Variants in STPG2 observed in about 807,000 individuals in gnomAD.
STPG2 encodes sperm tail PG-rich repeat containing 2.
STPG2 carries 56 observed loss-of-function variants against 54.2 expected under a neutral mutation model. The observed-to-expected ratio is 1.03, with a 90% CI of 0.83 to 1.29. The LOEUF is 1.29. Ranked by LOEUF, STPG2 falls within the 50% of genes most tolerant of loss-of-function variation. STPG2 has a pLI of 0.00. For missense variants in STPG2, 596 were observed against 544.9 expected, an observed-to-expected ratio of 1.09 and a Z score of -0.93; for synonymous variants, 200 against 181.8, an observed-to-expected ratio of 1.10 and a Z score of -0.81.
At chr4:98,083,410 G>A (rs185374453) in intron 5 of STPG2, among the ~76,000 whole-genome samples, 136 of 152,198 alleles carry the variant, frequency 8.9e-4, no homozygotes, top group African/African-American at 3.1e-3. Context: ...CTTTGGTGGA[G>A]CTTAACCCTT....
chr4:97,973,004 C>A (rs1192886374), intron 6 of STPG2, among the ~76,000 whole-genome samples: 1 of 152,088 alleles, frequency 6.6e-6, no homozygotes, highest in Non-Finnish European at 1.5e-5. Flanking sequence ...TAAATCGGTA[C>A]CAGTAAAGTT....
rs1336511164 is a variant in STPG2 at position 98,025,855 on chromosome 4, T to C, written c.613-44537A>G. The stretch of plus-strand genomic sequence containing the variant: ...GCCTTGCCAGAACTACCACTGGCAA[T>C]AAAGTTTTTGGCACCCTGAAGGGAG... On this transcript the variant is annotated intron_variant, in intron 5 of 10. Coordinates refer to ENST00000295268, the MANE Select transcript of STPG2 (RefSeq NM_174952.3). The C allele has an allele frequency of 2.5e-6, 4 of 1,597,950 alleles. No homozygotes were observed. The Admixed American group carries it at 5.0e-5, about 20-fold the overall frequency.
chr4:97,618,733 G>A (rs1047652719), intron 10 of STPG2, among the ~76,000 whole-genome samples: 2 of 152,090 alleles, frequency 1.3e-5, no homozygotes, highest in Non-Finnish European at 2.9e-5. Flanking sequence ...TTACTTGCTA[G>A]GTTCAATTTG....
At chr4:97,653,346 T>C (rs1722129667) in intron 10 of STPG2, among the ~76,000 whole-genome samples, 1 of 150,836 alleles carries the variant, frequency 6.6e-6, no homozygotes, top group Non-Finnish European at 1.5e-5. Context: ...TAATGTAACA[T>C]CTCAATGAAC....
intron 10 of STPG2, among the ~76,000 whole-genome samples, chr4:97,564,042 C>A (rs1330469578): frequency 1.3e-5 from 2 of 152,152 alleles, no homozygotes; most frequent in Admixed American, 6.5e-5. Flanking sequence ...GTGTTAAAGT[C>A]TCCCATTATT....
rs1472400614 is a variant in STPG2 at position 98,089,757 on chromosome 4, A to G, written c.612+16196T>C. On this transcript the variant is annotated intron_variant, in intron 5 of 10. Coordinates refer to ENST00000295268, the MANE Select transcript of STPG2 (RefSeq NM_174952.3). ...TAATTATGGTCATTCTTGCTAGAGT[A>G]AGGTGGTATCTCATTGTGATTTTAA... Among the ~76,000 whole-genome samples the G allele has an allele frequency of 3.9e-5, 6 of 151,936 alleles. No individual in the cohort carries two copies. In the East Asian group the frequency reaches 1.2e-3, roughly 29 times the overall value.
At chr4:98,053,794 C>A (rs1458408587) in intron 5 of STPG2, among the ~76,000 whole-genome samples, 1 of 151,964 alleles carries the variant, frequency 6.6e-6, no homozygotes, top group Non-Finnish European at 1.5e-5. Context: ...ATATATAAAT[C>A]CTGTGTATAT....
intron 9 of STPG2, among the ~76,000 whole-genome samples, chr4:97,721,393 A>G (rs1269929007): frequency 6.6e-6 from 1 of 152,140 alleles, no homozygotes; most frequent in African/African-American, 2.4e-5. Context: ...GAAGTTGGTT[A>G]TTCACTTACA....
chr4:97,571,242 G>T (rs898354671), intron 10 of STPG2, among the ~76,000 whole-genome samples: 19 of 152,012 alleles, frequency 1.2e-4, no homozygotes, highest in Non-Finnish European at 7.4e-5. Flanking sequence ...TTCAATAGAT[G>T]ATAGCCTTCG....
chr4:97,891,938 A>G (rs558914127), intron 8 of STPG2, among the ~76,000 whole-genome samples: 6 of 152,192 alleles, frequency 3.9e-5, no homozygotes, highest in African/African-American at 1.4e-4. Context: ...CCAATCCCCC[A>G]TTGCTGGCTA....
At chr4:97,633,882 G>A (rs1277951492) in intron 10 of STPG2, 1 of 154,920 alleles carries the variant, frequency 6.5e-6, no homozygotes, top group Non-Finnish European at 1.4e-5. Flanking sequence ...AGCAGTCTGA[G>A]ATCAAACTGC....
intron 3 of STPG2, among the ~76,000 whole-genome samples, chr4:98,111,433 T>C (rs1053657669): frequency 6.6e-6 from 1 of 152,136 alleles, no homozygotes; most frequent in Non-Finnish European, 1.5e-5. Flanking sequence ...CACTTTCCCC[T>C]GCCCCTAGTG....
intron 9 of STPG2, among the ~76,000 whole-genome samples, chr4:97,770,717 C>A (rs1161017637): frequency 2.0e-5 from 3 of 152,110 alleles, no homozygotes; most frequent in Non-Finnish European, 4.4e-5. Flanking sequence ...GATTCCACAG[C>A]ACTTGCTGAT....
chr4:97,846,981 A>G (rs559403462), intron 8 of STPG2, among the ~76,000 whole-genome samples: 14 of 152,318 alleles, frequency 9.2e-5, no homozygotes, highest in African/African-American at 2.6e-4. Context: ...CATAATTTTA[A>G]GTCATATAGA....
intron 10 of STPG2, among the ~76,000 whole-genome samples, chr4:97,666,246 C>G (rs978827156): frequency 6.6e-6 from 1 of 152,144 alleles, no homozygotes; most frequent in East Asian, 1.9e-4. Context: ...ATGAACCATG[C>G]AGCCCCTGCT....
rs3974892 is a variant in STPG2, at chr4:98,141,942, GAA to G, written c.109+1098_109+1099del. 4.6e-3 allele frequency among the ~76,000 whole-genome samples: 441 copies of G among 96,880 alleles called. 4 individuals are homozygous for G. Among genetic ancestry groups the G allele is most frequent in the African/African-American group, 0.017 (411 of 24,564 alleles). The allele number at this position is 96,880 out of a possible 152,430, so 63.6% of individuals were successfully genotyped here. On this transcript the variant is annotated intron_variant, in intron 1 of 10. Coordinates refer to ENST00000295268, the MANE Select transcript of STPG2 (RefSeq NM_174952.3). ...GACACTCTTCCAAGACAGTAGTTGG[GAA>G]AAAAAAAAAAAAAAAAAACAGGAGG...
intron 5 of STPG2, among the ~76,000 whole-genome samples, chr4:98,063,921 T>C (rs192425440): frequency 7.2e-4 from 110 of 151,948 alleles, no homozygotes; most frequent in African/African-American, 2.6e-3. Flanking sequence ...GGTGTGCACA[T>C]GGGTAACAGA....
At chr4:98,052,559 G>T (rs1737355778) in intron 5 of STPG2, among the ~76,000 whole-genome samples, 1 of 151,916 alleles carries the variant, frequency 6.6e-6, no homozygotes, top group African/African-American at 2.4e-5. Context: ...TTTTGTTGAT[G>T]ACTTTTTTAA....
intron 10 of STPG2, among the ~76,000 whole-genome samples, chr4:97,576,292 A>C (rs1732721996): frequency 6.6e-6 from 1 of 151,418 alleles, no homozygotes; most frequent in Admixed American, 6.6e-5. Context: ...AAAAAAAAAA[A>C]AGCCCCAATA....
Sources: gnomAD v4.1 joint callset for allele counts (sites outside exome capture counted in the v4.1 genomes callset) on GRCh38, gnomAD v4.1.1 for gene constraint, MANE v1.5 for transcripts, NCBI Gene and HGNC (gene_info 2026-07-23, HGNC 2026-07-21) for gene names.